The following GRID2 variants were observed in gnomAD, a reference collection of about 807,000 sequenced individuals.
GRID2 encodes the protein glutamate ionotropic receptor delta type subunit 2.
GRID2 carries 33 observed loss-of-function variants against 114.8 expected under a neutral mutation model. The observed-to-expected ratio is 0.29, with a 90% CI of 0.22 to 0.38. GRID2 has a LOEUF of 0.38. Ranked by LOEUF, GRID2 falls within the 10% of genes least tolerant of loss-of-function variation. The probability of loss-of-function intolerance (pLI) is 1.00; values close to 1 mark genes in which losing one functional copy is unlikely to be tolerated. For synonymous variants in GRID2, 505 were observed against 449.9 expected (o/e 1.12, Z -1.55); for missense variants, 1,184 against 1,257.7 (o/e 0.94, Z 0.89).
chr4:93,744,706 A>G (rs1007098862), intron 14 of GRID2, among the ~76,000 whole-genome samples: 2 of 152,318 alleles, frequency 1.3e-5, no homozygotes, highest in Admixed American at 6.5e-5. Flanking sequence ...AGACAGAGGC[A>G]GGGTTTGAGA....
chr4:93,734,548 T>C (rs1578693688), intron 14 of GRID2, among the ~76,000 whole-genome samples: 2 of 151,916 alleles, frequency 1.3e-5, no homozygotes, highest in Admixed American at 6.6e-5. Context: ...AAAAATAAAA[T>C]GAGTGTCTGT....
At chr4:93,341,847 A>G (rs1409224146) in intron 8 of GRID2, among the ~76,000 whole-genome samples, 2 of 152,184 alleles carry the variant, frequency 1.3e-5, no homozygotes, top group Non-Finnish European at 2.9e-5. Context: ...TGTTCTTATC[A>G]GACTTTGTGA....
intron 8 of GRID2, among the ~76,000 whole-genome samples, chr4:93,318,003 A>ATATATATATATATATATATG (rs1756853319): frequency 7.3e-6 from 1 of 136,794 alleles, no homozygotes; most frequent in Non-Finnish European, 1.6e-5. Context: ...ATATATATAT[A>ATATATATATATATATATATG]TATATATATA....
intron 2 of GRID2, among the ~76,000 whole-genome samples, chr4:92,685,783 T>C (rs907847644): frequency 6.6e-6 from 1 of 152,056 alleles, no homozygotes; most frequent in African/African-American, 2.4e-5. Flanking sequence ...ATTCTCTACC[T>C]GTTCTATCAT....
chr4:93,712,948 C>A (rs1176594178), intron 14 of GRID2, among the ~76,000 whole-genome samples: 1 of 152,128 alleles, frequency 6.6e-6, no homozygotes, highest in Admixed American at 6.5e-5. Flanking sequence ...GTCAGTAAGA[C>A]ATGTAAAATC....
intron 2 of GRID2, among the ~76,000 whole-genome samples, chr4:92,848,566 G>A (rs1037611191): frequency 4.0e-5 from 6 of 151,824 alleles, no homozygotes; most frequent in Admixed American, 2.0e-4. Flanking sequence ...AGTGCAAATC[G>A]GAGGCCTTGG....
At chr4:92,645,194 C>T (rs977429309) in intron 2 of GRID2, among the ~76,000 whole-genome samples, 2 of 151,334 alleles carry the variant, frequency 1.3e-5, no homozygotes, top group Non-Finnish European at 1.5e-5. Context: ...ATAAAATTTT[C>T]ATATTGTTAG....
At chr4:92,768,748 A>G (rs576556494) in intron 2 of GRID2, among the ~76,000 whole-genome samples, 55 of 152,262 alleles carry the variant, frequency 3.6e-4, no homozygotes, top group African/African-American at 1.3e-3. Flanking sequence ...ATAAACTCCC[A>G]TTTTTAAACC....
chr4:92,413,987 A>C (rs1731466693), intron 1 of GRID2, among the ~76,000 whole-genome samples: 1 of 152,212 alleles, frequency 6.6e-6, no homozygotes, highest in African/African-American at 2.4e-5. Flanking sequence ...AATGAGGTTA[A>C]CATAAAAGAA....
chr4:93,174,724 C>T (rs1420557539), intron 4 of GRID2, among the ~76,000 whole-genome samples: 1 of 152,070 alleles, frequency 6.6e-6, no homozygotes, highest in African/African-American at 2.4e-5. Flanking sequence ...CTAATTGGCA[C>T]CCTTACCTAG....
At chr4:92,755,308 G>A (rs536640022) in intron 2 of GRID2, among the ~76,000 whole-genome samples, 1 of 152,242 alleles carries the variant, frequency 6.6e-6, no homozygotes, top group Non-Finnish European at 1.5e-5. Context: ...TCTTAGCACT[G>A]GGGATACAGT....
At chr4:92,776,819 CTA>C (rs1164701100) in intron 2 of GRID2, among the ~76,000 whole-genome samples, 1 of 151,718 alleles carries the variant, frequency 6.6e-6, no homozygotes, top group African/African-American at 2.4e-5. Flanking sequence ...GGAACTCACT[CTA>C]GAGTATATTA....
At chr4:92,778,230 C>G (rs1292722832) in intron 2 of GRID2, among the ~76,000 whole-genome samples, 1 of 151,816 alleles carries the variant, frequency 6.6e-6, no homozygotes, top group African/African-American at 2.4e-5. Context: ...TATACCTTCT[C>G]CATTGTTTTT....
At chr4:93,657,899 A>G (rs974953257) in intron 14 of GRID2, among the ~76,000 whole-genome samples, 5 of 152,184 alleles carry the variant, frequency 3.3e-5, no homozygotes, top group Non-Finnish European at 5.9e-5. Context: ...GGCAATCAAG[A>G]TGTTCATTAG....
chr4:92,653,979 T>G (rs1313080336), intron 2 of GRID2, among the ~76,000 whole-genome samples: 1 of 152,082 alleles, frequency 6.6e-6, no homozygotes, highest in Non-Finnish European at 1.5e-5. Context: ...ATACACTTCA[T>G]ATGTGGAAAG....
At chr4:92,623,321 G>A (rs921015622) in intron 2 of GRID2, among the ~76,000 whole-genome samples, 8 of 150,872 alleles carry the variant, frequency 5.3e-5, no homozygotes, top group African/African-American at 1.5e-4. Flanking sequence ...TATATGACCT[G>A]CTTATCCTCA....
chr4:92,500,106 G>A lies in GRID2; in HGVS notation c.89-90025G>A, dbSNP rs180942441. Among the ~76,000 whole-genome samples the A allele has an allele frequency of 3.9e-5, 6 of 152,212 alleles. No individual in the cohort carries two copies. In the East Asian group the frequency reaches 7.7e-4, roughly 20 times the overall value. Reference sequence around the variant, plus strand: ...TGGTCTAATTCATCGGTCTTGAAGTGTGCAAGGTTTTTTCTTTGTAAGTCT... The same window carrying A: ...TGGTCTAATTCATCGGTCTTGAAGTATGCAAGGTTTTTTCTTTGTAAGTCT... On this transcript the variant is annotated intron_variant, in intron 1 of 15. Coordinates refer to ENST00000282020, the MANE Select transcript of GRID2 (RefSeq NM_001510.4).
intron 1 of GRID2, among the ~76,000 whole-genome samples, chr4:92,535,803 G>A (rs1725591802): frequency 6.6e-6 from 1 of 152,160 alleles, no homozygotes; most frequent in Admixed American, 6.5e-5. Flanking sequence ...CTTAAAGATG[G>A]TGTGCCAGGA....
intron 2 of GRID2, among the ~76,000 whole-genome samples, chr4:92,810,089 A>T (rs190143044): frequency 6.6e-6 from 1 of 152,028 alleles, no homozygotes; most frequent in Admixed American, 6.6e-5. Flanking sequence ...TATGACTTCA[A>T]TGTTGTGACT....
Sources: allele counts gnomAD v4.1 joint callset (sites outside exome capture counted in the v4.1 genomes callset), GRCh38; gene constraint gnomAD v4.1.1; transcripts MANE v1.5; gene names NCBI Gene and HGNC (gene_info 2026-07-23, HGNC 2026-07-21).